CORIN: variants seen among roughly 807,000 people sequenced by gnomAD.
The protein encoded by CORIN is corin, serine peptidase.
In CORIN, 117 loss-of-function variants were observed where a neutral mutation model predicts 125.3. The ratio of observed to expected loss-of-function variants is 0.93; its 90% confidence interval spans 0.80 to 1.09. The LOEUF (loss-of-function observed/expected upper bound fraction) is 1.09. Ranked by LOEUF, CORIN falls within the 50% of genes least tolerant of loss-of-function variation. CORIN has a pLI of 0.00. For missense variants in CORIN, 1,253 were observed against 1,306.7 expected (o/e 0.96, Z 0.63); for synonymous variants, 450 against 466.4 (o/e 0.96, Z 0.45).
rs1234182844 is a variant in CORIN, at chr4:47,623,680, C to T, written c.2431G>A (p.Gly811Arg). 9 of 1,614,236 alleles carry T rather than the reference C, an allele frequency of 5.6e-6. No individual in the cohort carries two copies. The highest frequency in any genetic ancestry group is 7.6e-6 in the Non-Finnish European group (9 of 1,180,032). ...AGAGAACACTGCCATGGCCACCTTC[C>T]AGGGCGACTCGTCCGACCTCCAAGG... ...RILGGRTSRP[G>R]RWPWQCSLQS... Residue 811 changes from glycine (G) to arginine (R), a missense_variant, in exon 19 of 22, where the codon GGA becomes AGA. Gly to Arg is a moderately radical substitution (Grantham distance 125). Coordinates refer to ENST00000273857, the MANE Select transcript of CORIN (RefSeq NM_006587.4).
At chr4:47,740,900 C>T (rs1024802821) in intron 5 of CORIN, among the ~76,000 whole-genome samples, 28 of 151,762 alleles carry the variant, frequency 1.8e-4, no homozygotes, top group Non-Finnish European at 2.2e-4. Flanking sequence ...AATTTCCATA[C>T]GCAAATGAAA....
Position 47,653,566 on chromosome 4 carries a change from AT to A in CORIN, c.1829del (p.Asp610ValfsTer22). 1.2e-6 allele frequency: 2 copies of A among 1,613,842 alleles called. No homozygotes were observed. The highest frequency in any genetic ancestry group is 1.7e-6 in the Non-Finnish European group (2 of 1,179,718). ...DGQADCDDDS[D>X]EENCGCKERD... ...GCACATACATACCACAGTTTTCCTC[AT>A]CACTGTCATCGTCACAGTCGGCCTG... On this transcript the variant is annotated frameshift_variant, in exon 13 of 22. Coordinates refer to ENST00000273857, the MANE Select transcript of CORIN (RefSeq NM_006587.4). LOFTEE classifies it high-confidence loss of function.
chr4:47,674,644 C>T (rs927794150), intron 9 of CORIN, 144 bp from the exon 10 acceptor site: 10 of 603,842 alleles, frequency 1.7e-5, no homozygotes, highest in Admixed American at 2.9e-5. Flanking sequence ...ATTGAACGTA[C>T]GTTGAATAGG....
intron 2 of CORIN, among the ~76,000 whole-genome samples, chr4:47,794,107 G>T (rs1200353879): frequency 1.3e-5 from 2 of 152,182 alleles, no homozygotes; most frequent in Non-Finnish European, 2.9e-5. Context: ...AAGTAATGTG[G>T]AGTCAGGTCA....
intron 4 of CORIN, among the ~76,000 whole-genome samples, chr4:47,755,662 C>G (rs1003821572): frequency 6.6e-5 from 10 of 152,048 alleles, no homozygotes; most frequent in African/African-American, 2.4e-4. Context: ...TATCTGTTAG[C>G]TGGTTATTCT....
intron 5 of CORIN, among the ~76,000 whole-genome samples, chr4:47,743,921 T>C (rs774483191): frequency 1.1e-4 from 17 of 151,206 alleles, no homozygotes; most frequent in Non-Finnish European, 2.5e-4. Flanking sequence ...AGAATAGTAA[T>C]AGCATCACTG....
At chr4:47,742,793 T>C (rs1327702054) in intron 5 of CORIN, among the ~76,000 whole-genome samples, 1 of 152,020 alleles carries the variant, frequency 6.6e-6, no homozygotes, top group Non-Finnish European at 1.5e-5. Flanking sequence ...GGGCCAAAAA[T>C]AGTCAATCTT....
At chr4:47,822,533 T>C (rs6829073) in intron 1 of CORIN, among the ~76,000 whole-genome samples, 124,581 of 152,214 alleles carry the variant, frequency 0.82, 51,196 homozygotes, top group East Asian at 0.98. Flanking sequence ...TTCAGTCTTC[T>C]CTTATCTTTT....
At chr4:47,734,889 T>C (rs1468241152) in intron 5 of CORIN, among the ~76,000 whole-genome samples, 2 of 152,108 alleles carry the variant, frequency 1.3e-5, no homozygotes, top group Non-Finnish European at 1.5e-5. Context: ...TGCCAAATGT[T>C]CCCAAATGGG....
chr4:47,701,800 T>C (rs1726304540), intron 5 of CORIN, among the ~76,000 whole-genome samples: 1 of 119,844 alleles, frequency 8.3e-6, no homozygotes, highest in Non-Finnish European at 1.6e-5. Context: ...ATTTCAATTT[T>C]GGAAGGAAGG....
At chr4:47,595,935 G>C (rs367924305) in intron 21 of CORIN, 32 bp from the exon 22 acceptor site, 8 of 1,555,260 alleles carry the variant, frequency 5.1e-6, no homozygotes, top group Non-Finnish European at 7.0e-6. Context: ...GTTAGGAACT[G>C]GCATTTCAGG....
chr4:47,608,391 G>A (rs1160362995), intron 19 of CORIN, among the ~76,000 whole-genome samples: 2 of 152,140 alleles, frequency 1.3e-5, no homozygotes, highest in African/African-American at 4.8e-5. Context: ...AAAATCTTCA[G>A]TTTAAAGGGA....
intron 2 of CORIN, among the ~76,000 whole-genome samples, chr4:47,793,012 T>C: frequency 6.6e-6 from 1 of 152,210 alleles, no homozygotes; most frequent in Middle Eastern, 3.4e-3. Context: ...GAATGAAAAA[T>C]AGATTTGTAG....
intron 20 of CORIN, 105 bp downstream of exon 20, chr4:47,603,292 A>G: frequency 2.5e-6 from 3 of 1,214,722 alleles, no homozygotes; most frequent in African/African-American, 1.5e-5. Flanking sequence ...AGGCCTCCCC[A>G]TCCCTGCAGA....
intron 3 of CORIN, among the ~76,000 whole-genome samples, chr4:47,776,713 C>A (rs1024921884): frequency 1.4e-4 from 22 of 152,280 alleles, no homozygotes; most frequent in Admixed American, 1.2e-3. Context: ...TCTCCCACTT[C>A]CTGAGGTGAT....
At chr4:47,645,302 G>A (rs61760469) in intron 13 of CORIN, 108 bp from the exon 14 acceptor site, 28 of 647,614 alleles carry the variant, frequency 4.3e-5, no homozygotes, top group Admixed American at 1.0e-4. Context: ...TTGGCAGGGC[G>A]CAGTGGCTCA....
chr4:47,691,294 A>G (rs1406056274), intron 6 of CORIN, among the ~76,000 whole-genome samples: 1 of 152,224 alleles, frequency 6.6e-6, no homozygotes, highest in Non-Finnish European at 1.5e-5. Flanking sequence ...CCAAATTCCC[A>G]TAAATTGGAT....
chr4:47,808,292 C>T (rs575334564), intron 1 of CORIN, among the ~76,000 whole-genome samples: 1 of 152,228 alleles, frequency 6.6e-6, no homozygotes, highest in South Asian at 2.1e-4. Flanking sequence ...AATGAATGAC[C>T]TTTGAGAAAG....
chr4:47,660,618 A>G (rs1302884650), intron 12 of CORIN, among the ~76,000 whole-genome samples: 2 of 152,196 alleles, frequency 1.3e-5, no homozygotes, highest in African/African-American at 4.8e-5. Flanking sequence ...AATCAAAACT[A>G]CAATGAGGTA....
Sources: gnomAD v4.1 joint callset for allele counts (sites outside exome capture counted in the v4.1 genomes callset) on GRCh38, gnomAD v4.1.1 for gene constraint, MANE v1.5 for transcripts, NCBI Gene and HGNC (gene_info 2026-07-23, HGNC 2026-07-21) for gene names.